SYK: variants seen among roughly 807,000 people sequenced by gnomAD.
SYK encodes spleen associated tyrosine kinase.
A neutral mutation model predicts 77.8 loss-of-function variants in SYK; 16 were observed. The ratio of observed to expected loss-of-function variants is 0.21; its 90% CI spans 0.14 to 0.31. SYK has a LOEUF of 0.31. SYK is among the 10% of genes least tolerant of loss of function. The pLI is 1.00. For missense variants in SYK, 529 were observed against 814.4 expected, an observed-to-expected ratio of 0.65 and a Z score of 4.26; for synonymous variants, 312 against 308.7, an observed-to-expected ratio of 1.01 and a Z score of -0.11.
intron 3 of SYK, among the ~76,000 whole-genome samples, chr9:90,858,150 G>A (rs1000286773): frequency 1.3e-5 from 2 of 152,190 alleles, no homozygotes; most frequent in African/African-American, 4.8e-5. Flanking sequence ...GTGCAGGAGA[G>A]TAGAGGAGTC....
In SYK at chr9:90,895,990, G is replaced by A. The variant is rs1828968071; in HGVS notation, c.*390G>A. ...GTGGCCTAGAGCACTCTCACCCCAA[G>A]CGGCCTTTTCCAAATGCCCAAGGAT... is the stretch of plus-strand genomic sequence containing the variant. On this transcript the variant is annotated 3_prime_UTR_variant, in exon 14 of 14. Transcript: ENST00000375754. The surrounding 1 kb of genome is among the most constrained non-coding windows in gnomAD (Gnocchi z 4.4). The A allele has an allele frequency of 4.1e-6, 1 of 244,056 alleles. No homozygotes were observed. Among genetic ancestry groups the A allele is most frequent in the Non-Finnish European group, 8.0e-6 (1 of 124,506 alleles). The allele number at this position is 244,056 out of a possible 1,614,324, so 15.1% of individuals were successfully genotyped here. A position where few individuals can be genotyped will look rare whatever the true frequency, so the allele number is the denominator to read the frequency against.
At chr9:90,802,269 T>C (rs1382946724) in intron 1 of SYK, among the ~76,000 whole-genome samples, 1 of 152,204 alleles carries the variant, frequency 6.6e-6, no homozygotes, top group African/African-American at 2.4e-5. Context: ...AAGTCGATCT[T>C]GGAGCTAGAA....
intron 1 of SYK, among the ~76,000 whole-genome samples, chr9:90,811,209 A>G (rs528209468): frequency 3.3e-5 from 5 of 152,196 alleles, no homozygotes; most frequent in Non-Finnish European, 7.3e-5. Context: ...AAAATATACA[A>G]ATAAGTGAAA....
intron 1 of SYK, among the ~76,000 whole-genome samples, chr9:90,808,842 AG>A (rs1824955811): frequency 6.6e-6 from 1 of 151,954 alleles, no homozygotes; most frequent in African/African-American, 2.4e-5. Flanking sequence ...CTGCCTGCAC[AG>A]GGGGACTGTG....
intron 11 of SYK, among the ~76,000 whole-genome samples, chr9:90,883,132 G>A (rs1828220671): frequency 6.6e-6 from 1 of 152,080 alleles, no homozygotes. Flanking sequence ...TGCTGATGCT[G>A]CCATCACCAG....
At position 90,897,450 on chromosome 9, in the gene SYK, T is replaced by C. The variant is rs200311317; in HGVS notation, c.*1850T>C. On this transcript the variant is annotated 3_prime_UTR_variant, in exon 14 of 14. Transcript: ENST00000375754. ...AACAGGTGTAAAATTATGAAAGGAG[T>C]GGTTGGATGTGCCAAGTTTGGTAAA... The C allele has an allele frequency of 4.3e-6, 1 of 231,314 alleles. No homozygotes were observed. The highest frequency in any genetic ancestry group is 8.5e-6 in the Non-Finnish European group (1 of 117,344). The allele number at this position is 231,314 out of a possible 1,614,324, so 14.3% of individuals were successfully genotyped here.
At chr9:90,867,342 AC>A (rs1324077665) in intron 7 of SYK, 143 bp downstream of exon 7, 4 of 813,802 alleles carry the variant, frequency 4.9e-6, no homozygotes, top group Non-Finnish European at 8.0e-6. Flanking sequence ...CCTTGCTCAC[AC>A]CTGCTGTTCC....
At chr9:90,846,172 G>C (rs1826584924) in intron 3 of SYK, among the ~76,000 whole-genome samples, 1 of 152,206 alleles carries the variant, frequency 6.6e-6, no homozygotes, top group African/African-American at 2.4e-5. Context: ...AATTGTAGAA[G>C]GTTCTGAGAT....
intron 1 of SYK, among the ~76,000 whole-genome samples, chr9:90,832,813 A>G (rs1377830304): frequency 6.6e-6 from 1 of 152,236 alleles, no homozygotes; most frequent in African/African-American, 2.4e-5. Flanking sequence ...TAAAACAACA[A>G]TAATTACTTA....
At chr9:90,862,901 C>T (rs78792935) in intron 4 of SYK, among the ~76,000 whole-genome samples, 100 of 152,172 alleles carry the variant, frequency 6.6e-4, no homozygotes, top group East Asian at 9.7e-4. Flanking sequence ...CATTGTAAAT[C>T]GAGTCTCTCT....
intron 1 of SYK, among the ~76,000 whole-genome samples, chr9:90,826,001 C>T (rs1040762621): frequency 6.6e-6 from 1 of 152,112 alleles, no homozygotes; most frequent in African/African-American, 2.4e-5. Context: ...CAGGGTGGAA[C>T]CCTAAGAATT....
intron 2 of SYK, 111 bp downstream of exon 2, chr9:90,844,426 AC>A: frequency 8.1e-7 from 1 of 1,239,878 alleles, no homozygotes; most frequent in Non-Finnish European, 1.1e-6. Flanking sequence ...CCCAAATAAC[AC>A]AACCATCTCC....
At chr9:90,844,350 G>A in intron 2 of SYK, 35 bp downstream of exon 2, 1 of 1,520,166 alleles carries the variant, frequency 6.6e-7, no homozygotes, top group East Asian at 2.3e-5. Flanking sequence ...CTGGGCCCAG[G>A]GGGCCCTGTG....
At chr9:90,870,204 AC>A (rs1247352946) in intron 7 of SYK, among the ~76,000 whole-genome samples, 1 of 152,236 alleles carries the variant, frequency 6.6e-6, no homozygotes, top group Admixed American at 6.5e-5. Context: ...AATGAATTAA[AC>A]CCCTCCCAAT....
chr9:90,846,913 G>A (rs1826619105), intron 3 of SYK, among the ~76,000 whole-genome samples: 1 of 152,304 alleles, frequency 6.6e-6, no homozygotes, highest in African/African-American at 2.4e-5. Context: ...GAATGTCATG[G>A]GACCATGCAC....
chr9:90,809,632 C>A (rs1169028344), intron 1 of SYK, among the ~76,000 whole-genome samples: 1 of 152,194 alleles, frequency 6.6e-6, no homozygotes, highest in African/African-American at 2.4e-5. Flanking sequence ...TAGACACAAT[C>A]CCAAACCAAT....
Position 90,844,060 on chromosome 9 carries a change from C to A in SYK, c.162C>A (p.Ser54=), listed in dbSNP as rs150440676. The A allele has an allele frequency of 1.2e-6, 2 of 1,612,434 alleles. No individual in the cohort carries two copies. The highest frequency in any genetic ancestry group is 1.7e-6 in the Non-Finnish European group (2 of 1,179,130). Residue 54 remains serine, a synonymous_variant, in exon 2 of 14, where the codon TCC becomes TCA. Coordinates refer to ENST00000375754, the MANE Select transcript of SYK (RefSeq NM_003177.7). ...ACTACCTGGGTGGCTTCGCCCTGTC[C>A]GTGGCCCACGGGAGGAAGGCACACC... ...SRNYLGGFAL[S]VAHGRKAHHY...
rs1828405348 is a variant in SYK at position 90,884,680 on chromosome 9, CACATATACACATATGTGTACATGT to C, written c.1582-3054_1582-3031del. On this transcript the variant is annotated intron_variant, in intron 11 of 13. Coordinates refer to ENST00000375754, the MANE Select transcript of SYK (RefSeq NM_003177.7). Reference sequence around the variant, plus strand: ...ACATATGTGTACATGTACATATATACACATATACACATATGTGTACATGTACATATACACATATACACATATGTG... The same window carrying C: ...ACATATGTGTACATGTACATATATACACATATACACATATACACATATGTG... Among the ~76,000 whole-genome samples the C allele has an allele frequency of 3.9e-5, 2 of 51,840 alleles. 1 individual carries two copies. The highest frequency in any genetic ancestry group is 4.3e-4 in the Admixed American group (2 of 4,660). 34.0% of individuals were successfully genotyped at this position (51,840 alleles called of 152,430 possible). A position where few individuals can be genotyped will look rare whatever the true frequency, so the allele number is the denominator to read the frequency against.
intron 11 of SYK, among the ~76,000 whole-genome samples, chr9:90,880,860 C>G (rs1828124672): frequency 6.6e-6 from 1 of 152,252 alleles, no homozygotes; most frequent in South Asian, 2.1e-4. Flanking sequence ...TGGTTAGACA[C>G]AGCCCATGCT....
Sources: allele counts gnomAD v4.1 joint callset (sites outside exome capture counted in the v4.1 genomes callset), GRCh38; gene constraint gnomAD v4.1.1; non-coding constraint Gnocchi (gnomAD v3.1); transcripts MANE v1.5; gene names NCBI Gene and HGNC (gene_info 2026-07-23, HGNC 2026-07-21).